CNTNAP2: variants seen among roughly 807,000 people sequenced by gnomAD.
CNTNAP2 encodes the protein contactin-associated protein-like 2.
A neutral mutation model predicts 155.2 loss-of-function variants in CNTNAP2; 98 were observed. The ratio of observed to expected loss-of-function variants is 0.63; its 90% confidence interval spans 0.54 to 0.75. The LOEUF (loss-of-function observed/expected upper bound fraction) is 0.75. Among genes scored for constraint, CNTNAP2 ranks in the 30% least tolerant of loss-of-function variants. The probability of loss-of-function intolerance (pLI) is 0.00; values close to 1 mark genes in which losing one functional copy is unlikely to be tolerated. For synonymous variants in CNTNAP2, 651 were observed against 631.2 expected (o/e 1.03, Z -0.47); for missense variants, 1,727 against 1,688.1 (o/e 1.02, Z -0.40).
intron 1 of CNTNAP2, among the ~76,000 whole-genome samples, chr7:146,163,968 A>G (rs1313152520): frequency 2.6e-5 from 4 of 152,272 alleles, no homozygotes; most frequent in Non-Finnish European, 5.9e-5. Flanking sequence ...CCAGCCTGTG[A>G]CAAGAAGTGC....
chr7:146,480,685 TCC>T (rs1305895311), intron 1 of CNTNAP2, among the ~76,000 whole-genome samples: 1 of 139,504 alleles, frequency 7.2e-6, no homozygotes, highest in Non-Finnish European at 1.5e-5. Flanking sequence ...TTTTTTTTTT[TCC>T]TTTTTTTTTT....
At chr7:147,117,050 C>A (rs1801005749) in intron 5 of CNTNAP2, among the ~76,000 whole-genome samples, 1 of 152,156 alleles carries the variant, frequency 6.6e-6, no homozygotes, top group Admixed American at 6.5e-5. Flanking sequence ...GCCAGTGGGT[C>A]TTTTCTTGTA....
intron 1 of CNTNAP2, among the ~76,000 whole-genome samples, chr7:146,448,727 T>G (rs1469058374): frequency 6.6e-6 from 1 of 152,110 alleles, no homozygotes; most frequent in Non-Finnish European, 1.5e-5. Context: ...GTTTGTGTAA[T>G]GTCGATCACA....
At chr7:148,391,663 C>G (rs1457005765) in intron 22 of CNTNAP2, among the ~76,000 whole-genome samples, 1 of 152,212 alleles carries the variant, frequency 6.6e-6, no homozygotes, top group Non-Finnish European at 1.5e-5. Context: ...CGTGATTTAC[C>G]TCTCAGAATT....
At chr7:147,267,464 G>A (rs937792296) in intron 8 of CNTNAP2, among the ~76,000 whole-genome samples, 1 of 152,066 alleles carries the variant, frequency 6.6e-6, no homozygotes, top group Non-Finnish European at 1.5e-5. Flanking sequence ...TTCCTTTCAT[G>A]TTTTTGGTAC....
chr7:147,230,046 A>G (rs1028061210), intron 8 of CNTNAP2, among the ~76,000 whole-genome samples: 2 of 152,162 alleles, frequency 1.3e-5, no homozygotes, highest in Admixed American at 6.5e-5. Context: ...AATTATTTTT[A>G]AAATTTTAAT....
At chr7:148,141,357 A>C (rs994110244) in intron 16 of CNTNAP2, among the ~76,000 whole-genome samples, 8 of 152,268 alleles carry the variant, frequency 5.3e-5, no homozygotes, top group Admixed American at 4.6e-4. Flanking sequence ...TTAAACAGAC[A>C]TAACTAATGT....
chr7:148,233,724 T>C (rs540334167), intron 20 of CNTNAP2, among the ~76,000 whole-genome samples: 35 of 152,336 alleles, frequency 2.3e-4, no homozygotes, highest in Non-Finnish European at 3.8e-4. Flanking sequence ...TCACAAAAAC[T>C]TTATGAAGTA....
At chr7:146,839,994 ATATT>A in intron 3 of CNTNAP2, 90 bp downstream of exon 3, 1 of 1,378,066 alleles carries the variant, frequency 7.3e-7, no homozygotes, top group African/African-American at 1.4e-5. Flanking sequence ...ATAGTTATCA[ATATT>A]TATGTATTCA....
At chr7:146,523,566 CT>C (rs1797646344) in intron 1 of CNTNAP2, among the ~76,000 whole-genome samples, 1 of 151,870 alleles carries the variant, frequency 6.6e-6, no homozygotes, top group African/African-American at 2.4e-5. Flanking sequence ...TTATTATTTC[CT>C]TTTATCAGTG....
At chr7:148,412,444 G>A (rs1403774739) in intron 23 of CNTNAP2, among the ~76,000 whole-genome samples, 1 of 152,212 alleles carries the variant, frequency 6.6e-6, no homozygotes, top group Non-Finnish European at 1.5e-5. Context: ...GCAACGTATT[G>A]TGGTTTTCAA....
chr7:146,428,571 A>G lies in CNTNAP2; in HGVS notation c.97+311598A>G, dbSNP rs180758869. ...TCTGGAGAAGTATCTGTTTATGTTC[A>G]TTGCCCACTTTTTAATGGGGTTGTT... On this transcript the variant is annotated intron_variant, in intron 1 of 23. Coordinates refer to ENST00000361727, the MANE Select transcript of CNTNAP2 (RefSeq NM_014141.6). Among the ~76,000 whole-genome samples, 78 of 149,676 alleles carry G rather than the reference A, an allele frequency of 5.2e-4. 4 individuals are homozygous for G. In the East Asian group the frequency reaches 0.013, roughly 24 times the overall value.
intron 1 of CNTNAP2, among the ~76,000 whole-genome samples, chr7:146,226,372 C>G (rs1278928513): frequency 1.3e-5 from 2 of 152,014 alleles, no homozygotes; most frequent in African/African-American, 4.8e-5. Context: ...AAAAAATTAT[C>G]CTAGGGCTAG....
chr7:146,605,999 T>A (rs1004746515), intron 1 of CNTNAP2, among the ~76,000 whole-genome samples: 1 of 152,152 alleles, frequency 6.6e-6, no homozygotes, highest in African/African-American at 2.4e-5. Context: ...CTGTTGTTAT[T>A]CCCTAAGGTC....
At chr7:146,617,281 C>T (rs1380733503) in intron 1 of CNTNAP2, among the ~76,000 whole-genome samples, 2 of 152,182 alleles carry the variant, frequency 1.3e-5, no homozygotes, top group Admixed American at 6.5e-5. Context: ...TCTCCAAATT[C>T]CACTACCTTT....
chr7:146,266,886 ATT>A (rs58244472), intron 1 of CNTNAP2, among the ~76,000 whole-genome samples: 3,693 of 140,782 alleles, frequency 0.026, 134 homozygotes, highest in African/African-American at 0.085. Context: ...ACATTGCTGA[ATT>A]TTTTTTTTTT....
intron 2 of CNTNAP2, among the ~76,000 whole-genome samples, chr7:146,820,040 A>G (rs1156930310): frequency 6.6e-6 from 1 of 152,214 alleles, no homozygotes; most frequent in African/African-American, 2.4e-5. Flanking sequence ...CAATGTTTAC[A>G]TTGTAATTTG....
At chr7:147,980,978 G>A (rs912390876) in intron 15 of CNTNAP2, among the ~76,000 whole-genome samples, 4 of 149,956 alleles carry the variant, frequency 2.7e-5, no homozygotes, top group Admixed American at 2.0e-4. Context: ...CATGGACACA[G>A]TAGTGATAGA....
intron 10 of CNTNAP2, among the ~76,000 whole-genome samples, chr7:147,468,547 A>G (rs540416214): frequency 6.6e-6 from 1 of 152,344 alleles, no homozygotes; most frequent in African/African-American, 2.4e-5. Context: ...GCATTCTGAT[A>G]GATGAGATTA....
Sources: gnomAD v4.1 joint callset for allele counts (sites outside exome capture counted in the v4.1 genomes callset) on GRCh38, gnomAD v4.1.1 for gene constraint, MANE v1.5 for transcripts, NCBI Gene and HGNC (gene_info 2026-07-23, HGNC 2026-07-21) for gene names.